CCDC88B: variants seen among roughly 807,000 people sequenced by gnomAD.
CCDC88B encodes coiled-coil domain-containing protein 88B.
A neutral mutation model predicts 183.7 loss-of-function variants in CCDC88B; 138 were observed. The observed-to-expected ratio is 0.75, with a 90% confidence interval of 0.65 to 0.87. CCDC88B has a LOEUF of 0.87. Ranked by LOEUF, CCDC88B falls within the 40% of genes least tolerant of loss-of-function variation. The pLI is 0.00. For synonymous variants in CCDC88B, 835 were observed against 867.5 expected, an observed-to-expected ratio of 0.96 and a Z score of 0.66; for missense variants, 1,822 against 1,965.6, an observed-to-expected ratio of 0.93 and a Z score of 1.38.
Position 64,342,554 on chromosome 11 carries a change from C to G in CCDC88B, c.936C>G (p.Ala312=), listed in dbSNP as rs970235246. 7 of 1,530,948 alleles carry G rather than the reference C, an allele frequency of 4.6e-6. No individual in the cohort carries two copies. The highest frequency in any genetic ancestry group is 1.2e-5 in the South Asian group (1 of 83,648). The allele number at this position is 1,530,948 out of a possible 1,614,324, so 94.8% of individuals were successfully genotyped here. ...AQALSGQAKR[A]ELYREEAEAL... is the part of the protein sequence containing the mutation. ...CGCTGTCGGGACAGGCCAAGCGGGC[C>G]GAGCTGTACCGCGAGGAGGCAGAGG... The change falls in exon 10 of 27, where the codon GCC becomes GCG. Residue 312 remains alanine (A), a synonymous_variant. Coordinates refer to ENST00000356786, the MANE Select transcript of CCDC88B (RefSeq NM_032251.6).
intron 9 of CCDC88B, 64 bp from the exon 10 acceptor site, chr11:64,342,458 C>G: frequency 6.5e-7 from 1 of 1,540,494 alleles, no homozygotes; most frequent in Non-Finnish European, 8.7e-7. Flanking sequence ...AACCCGGCTC[C>G]TTCCCGTCCC....
chr11:64,345,199 G>A, intron 14 of CCDC88B, 42 bp downstream of exon 14: 1 of 1,525,870 alleles, frequency 6.6e-7, no homozygotes, highest in Non-Finnish European at 8.8e-7. Flanking sequence ...GGGAAGCAGA[G>A]TTCCAGGCTG....
chr11:64,342,487 G>A, intron 9 of CCDC88B, 35 bp from the exon 10 acceptor site: 1 of 1,529,280 alleles, frequency 6.5e-7, no homozygotes, highest in South Asian at 1.2e-5. Flanking sequence ...CTGGCCCGCG[G>A]CTGGCTGTTC....
chr11:64,349,245 C>A (rs1033300593), intron 14 of CCDC88B, 86 bp from the exon 15 acceptor site: 3 of 1,452,540 alleles, frequency 2.1e-6, no homozygotes, highest in African/African-American at 2.8e-5. Context: ...AGGTCAAGGA[C>A]AGAAAGGCAG....
chr11:64,345,250 C>G (rs1448128277), intron 14 of CCDC88B, 93 bp downstream of exon 14: 4 of 1,366,872 alleles, frequency 2.9e-6, no homozygotes. Context: ...TCAGTGGGTG[C>G]CCAGCACTGA....
rs369850844 is a variant in CCDC88B at position 64,355,264 on chromosome 11, C to G, written c.4170C>G (p.Gly1390=). Residue 1390 remains glycine (G), a synonymous_variant, in exon 25 of 27, where the codon GGC becomes GGG. Coordinates refer to ENST00000356786, the MANE Select transcript of CCDC88B (RefSeq NM_032251.6). ...SLCLRDETLA[G]GQRRKLSSRF... ...GCCTGCGGGATGAGACCTTGGCAGG[C>G]GGGCAGCGGCGGAAACTCAGCTCAA... is the stretch of plus-strand genomic sequence containing the variant. 6.4e-7 allele frequency: 1 copy of G among 1,572,598 alleles called. No homozygotes were observed. The highest frequency in any genetic ancestry group is 8.6e-7 in the Non-Finnish European group (1 of 1,161,184).
chr11:64,342,411 C>A, intron 9 of CCDC88B, 36 bp downstream of exon 9: 1 of 1,552,744 alleles, frequency 6.4e-7, no homozygotes, highest in South Asian at 1.2e-5. Flanking sequence ...GCGGCATTCC[C>A]TAACCTCCCC....
At chr11:64,342,828 G>A (rs773928528) in intron 10 of CCDC88B, 148 bp downstream of exon 10, 30 of 982,874 alleles carry the variant, frequency 3.1e-5, no homozygotes, top group Non-Finnish European at 4.3e-5. Context: ...ATTCAGGGAG[G>A]TGGCGTCTGG....
intron 18 of CCDC88B, 146 bp downstream of exon 18, chr11:64,351,762 C>T: frequency 5.3e-6 from 6 of 1,128,902 alleles, no homozygotes; most frequent in Non-Finnish European, 6.1e-6. Flanking sequence ...CCTCTGACCC[C>T]AGCCACCATT....
In CCDC88B at chr11:64,352,655, AC is replaced by A. The variant is rs953934041; in HGVS notation, c.3357-82del. 2.0e-5 allele frequency: 31 copies of A among 1,563,292 alleles called. No homozygotes were observed. In the African/African-American group the frequency reaches 3.1e-4, roughly 16 times the overall value. ...GGGACCTAGGCTTAGGAGGTGACAG[AC>A]CCCCCCGCCCCGGGTCCAGATAGTC... On this transcript the variant is annotated intron_variant, in intron 19 of 26. Transcript: ENST00000356786.
At chr11:64,341,368 T>C in intron 5 of CCDC88B, 40 bp downstream of exon 5, 2 of 1,614,008 alleles carry the variant, frequency 1.2e-6, no homozygotes, top group South Asian at 1.1e-5. Context: ...GGTCGAGCTT[T>C]GGCGGTAGAG....
At chr11:64,353,289 G>A (rs1172411437) in intron 21 of CCDC88B, 49 bp downstream of exon 21, 2 of 1,588,070 alleles carry the variant, frequency 1.3e-6, no homozygotes, top group Non-Finnish European at 1.7e-6. Context: ...GGGGCAGAAA[G>A]CCTAGACCCA....
At chr11:64,343,669 G>A in intron 12 of CCDC88B, 54 bp downstream of exon 12, 2 of 1,543,218 alleles carry the variant, frequency 1.3e-6, no homozygotes. Flanking sequence ...CTTTCCAGCA[G>A]TGTACTGGGG....
In CCDC88B at chr11:64,352,237, G is replaced by C; in HGVS notation, c.3207G>C (p.Gly1069=). The C allele has an allele frequency of 1.2e-6, 2 of 1,608,196 alleles. No homozygotes were observed. The highest frequency in any genetic ancestry group is 2.2e-5 in the South Asian group (2 of 90,596). ...AARQSQEETR[G]QQQALLRDHK... ...GGCAGTCCCAGGAGGAGACCCGCGG[G>C]CAGCAGCAGGCCCTGCTTCGGGACC... The change falls in exon 19 of 27, where the codon GGG becomes GGC. Residue 1069 remains glycine, a synonymous_variant. Transcript: ENST00000356786.
chr11:64,353,444 G>C lies in CCDC88B; in HGVS notation c.3781G>C (p.Glu1261Gln). 1 of 1,613,066 alleles carries C rather than the reference G, an allele frequency of 6.2e-7. No homozygotes were observed. The highest frequency in any genetic ancestry group is 8.5e-7 in the Non-Finnish European group (1 of 1,179,974). ...ALSRENRELL[E>Q]RSLESRDHLH... Reference sequence around the variant, plus strand: ...GAGCCGGGAGAACAGGGAGCTCCTGGAGCGCAGCCTGGAGAGTCGGGACCA... The same window carrying C: ...GAGCCGGGAGAACAGGGAGCTCCTGCAGCGCAGCCTGGAGAGTCGGGACCA... The change falls in exon 22 of 27, where the codon GAG (glutamate) becomes CAG (glutamine). Residue 1261 changes from glutamate to glutamine, a missense_variant. Transcript: ENST00000356786.
intron 1 of CCDC88B, 128 bp downstream of exon 1, chr11:64,340,454 G>C (rs1193750826): frequency 7.6e-7 from 1 of 1,320,184 alleles, no homozygotes; most frequent in Non-Finnish European, 1.0e-6. Flanking sequence ...AAATGTGGGG[G>C]ATGGAGATAT....
In CCDC88B at chr11:64,349,543, C is replaced by T. The variant is rs1322089650; in HGVS notation, c.2745-8C>T. ...GGTGGGGCTGGGTGCTAAGGATTCT[C>T]CTGGCAGGTACCAGGGCTTGGAGCA... On this transcript the variant is annotated splice_region_variant and splice_polypyrimidine_tract_variant and intron_variant, in intron 15 of 26. Coordinates refer to ENST00000356786, the MANE Select transcript of CCDC88B (RefSeq NM_032251.6). 6.3e-7 allele frequency: 1 copy of T among 1,595,666 alleles called. No individual in the cohort carries two copies. The highest frequency in any genetic ancestry group is 1.8e-5 in the Admixed American group (1 of 56,976).
Position 64,353,373 on chromosome 11 carries a change from C to A in CCDC88B, c.3710C>A (p.Ala1237Asp), listed in dbSNP as rs1403444809. The A allele has an allele frequency of 6.2e-7, 1 of 1,613,604 alleles. No individual in the cohort carries two copies. Among genetic ancestry groups the A allele is most frequent in the Non-Finnish European group, 8.5e-7 (1 of 1,179,960 alleles). The stretch of plus-strand genomic sequence containing the variant: ...CAGCTATTGACACAGCTGCGAAGTG[C>A]CCAGGAAGAGGAGAACCGGCAGCTG... ...QCELLTQLRSAQEEENRQLLA... is the reference protein window; with the variant it reads ...QCELLTQLRSDQEEENRQLLA... Residue 1237 changes from alanine (A) to aspartate (D), a missense_variant, in exon 22 of 27, where the codon GCC becomes GAC. Transcript: ENST00000356786.
At chr11:64,351,879 C>T (rs112376086) in intron 18 of CCDC88B, among the ~76,000 whole-genome samples, 95 of 152,204 alleles carry the variant, frequency 6.2e-4, no homozygotes, top group African/African-American at 2.0e-3. Flanking sequence ...CTCCACAGGG[C>T]GCCATTAGTC....
Sources: allele counts gnomAD v4.1 joint callset (sites outside exome capture counted in the v4.1 genomes callset), GRCh38; gene constraint gnomAD v4.1.1; transcripts MANE v1.5; gene names NCBI Gene and HGNC (gene_info 2026-07-23, HGNC 2026-07-21).